Variants in UQCC2 observed in about 807,000 individuals in gnomAD.
UQCC2 encodes the protein breast cancer-associated protein SGA-81M.
In UQCC2, 21 loss-of-function variants were observed where a neutral mutation model predicts 19.9. The observed-to-expected ratio is 1.05, with a 90% CI of 0.75 to 1.52. The LOEUF (loss-of-function observed/expected upper bound fraction) is 1.52. UQCC2 is among the 40% of genes most tolerant of loss of function. The pLI is 0.00. For missense variants in UQCC2, 135 were observed against 157.5 expected (o/e 0.86, Z 0.76); for synonymous variants, 57 against 60.9 (o/e 0.94, Z 0.30).
At chr6:33,706,652 A>G (rs893810111) in intron 1 of UQCC2, among the ~76,000 whole-genome samples, 1 of 152,226 alleles carries the variant, frequency 6.6e-6, no homozygotes, top group East Asian at 1.9e-4. Context: ...TGAGTGACAC[A>G]GGGACCAGAA....
chr6:33,710,519 A>C (rs1466290047), intron 1 of UQCC2, among the ~76,000 whole-genome samples: 1 of 152,184 alleles, frequency 6.6e-6, no homozygotes, highest in Non-Finnish European at 1.5e-5. Flanking sequence ...GCCTCTGGAC[A>C]TGTGCAGTGT....
intron 2 of UQCC2, 81 bp from the exon 3 acceptor site, chr6:33,700,594 G>A: frequency 6.8e-7 from 1 of 1,473,874 alleles, no homozygotes; most frequent in Non-Finnish European, 9.5e-7. Flanking sequence ...ATTTCACCTA[G>A]GCCCTGGGCA....
chr6:33,702,497 G>C (rs866645580), intron 1 of UQCC2, among the ~76,000 whole-genome samples: 1 of 152,242 alleles, frequency 6.6e-6, no homozygotes, highest in South Asian at 2.1e-4. Context: ...CTAGAAAGGA[G>C]ATGGCCCAGA....
intron 3 of UQCC2, 42 bp from the exon 4 acceptor site, chr6:33,697,792 A>T: frequency 6.5e-7 from 1 of 1,548,350 alleles, no homozygotes; most frequent in Non-Finnish European, 8.9e-7. Context: ...ACTGAAGTCT[A>T]AAACTTGATG....
intron 1 of UQCC2, among the ~76,000 whole-genome samples, 192 bp from the exon 2 acceptor site, chr6:33,701,612 T>C (rs1455949856): frequency 6.6e-6 from 1 of 152,120 alleles, no homozygotes; most frequent in Non-Finnish European, 1.5e-5. Context: ...TTTGGAGGCA[T>C]AGCTCTGCCT....
At position 33,701,331 on chromosome 6, in the gene UQCC2, C is replaced by CTG. The variant is rs1765637366; in HGVS notation, c.213+13_213+14dup. ...GTCAGAAAGCTGGGTATATAAAAGA[C>CTG]TGTGGCCCACTCACCTTGTGTTTGT... On this transcript the variant is annotated intron_variant, in intron 2 of 3. Coordinates refer to ENST00000607484, the MANE Select transcript of UQCC2 (RefSeq NM_032340.4). 2 of 1,607,992 alleles carry CTG rather than the reference C, an allele frequency of 1.2e-6. No homozygotes were observed. Among genetic ancestry groups the CTG allele is most frequent in the African/African-American group, 2.7e-5 (2 of 74,594 alleles).
intron 1 of UQCC2, among the ~76,000 whole-genome samples, chr6:33,710,208 C>T (rs367600599): frequency 6.6e-6 from 1 of 152,150 alleles, no homozygotes; most frequent in Non-Finnish European, 1.5e-5. Context: ...CACCATCTGT[C>T]GCTTATAGTA....
chr6:33,697,587 G>T lies in UQCC2; in HGVS notation c.*66C>A. On this transcript the variant is annotated 3_prime_UTR_variant, in exon 4 of 4. Coordinates refer to ENST00000607484, the MANE Select transcript of UQCC2 (RefSeq NM_032340.4). ...GTAAGGTCAAGGGGAAACTGGGGCA[G>T]TTTTATTGACGATGGCAATGTACAA... The T allele has an allele frequency of 7.7e-7, 1 of 1,296,354 alleles. No homozygotes were observed. 80.3% of individuals were successfully genotyped at this position (1,296,354 alleles called of 1,614,324 possible). A position where few individuals can be genotyped will look rare whatever the true frequency, so the allele number is the denominator to read the frequency against.
chr6:33,701,102 A>T (rs1296485133), intron 2 of UQCC2, among the ~76,000 whole-genome samples: 3 of 152,216 alleles, frequency 2.0e-5, no homozygotes, highest in Non-Finnish European at 4.4e-5. Context: ...TGGCATATCA[A>T]ATACATGGCT....
chr6:33,703,213 G>A (rs189904500), intron 1 of UQCC2, among the ~76,000 whole-genome samples: 5 of 152,334 alleles, frequency 3.3e-5, no homozygotes, highest in African/African-American at 9.6e-5. Context: ...AGCTAACGCT[G>A]GAGTGCAATG....
At chr6:33,705,015 C>T (rs1765682980) in intron 1 of UQCC2, among the ~76,000 whole-genome samples, 1 of 151,038 alleles carries the variant, frequency 6.6e-6, no homozygotes, top group Admixed American at 6.6e-5. Context: ...GCAAAGTGAC[C>T]CTCAGGTACT....
rs1164857897 is a variant in UQCC2, at chr6:33,697,387, C to T, written c.*266G>A. 1.4e-5 allele frequency: 5 copies of T among 361,924 alleles called. No homozygotes were observed. The highest frequency in any genetic ancestry group is 7.2e-4 in the Middle Eastern group (1 of 1,388). The allele number at this position is 361,924 out of a possible 1,614,324, so 22.4% of individuals were successfully genotyped here. A position where few individuals can be genotyped will look rare whatever the true frequency, so the allele number is the denominator to read the frequency against. On this transcript the variant is annotated 3_prime_UTR_variant, in exon 4 of 4. Transcript: ENST00000607484. ...TGCAGGAAGCACCTTGTGCCGAGGC[C>T]CCATTACCCTCATCAGGCCCAGAGG...
Position 33,697,848 on chromosome 6 carries a change from C to T in UQCC2, c.284-98G>A, listed in dbSNP as rs112204790. ...GCTTTCCCGACACAAGCATGGCTTG[C>T]TTTTCACACAGTGTGTTCCTGAAAA... On this transcript the variant is annotated intron_variant, in intron 3 of 3. Coordinates refer to ENST00000607484, the MANE Select transcript of UQCC2 (RefSeq NM_032340.4). 1,362 of 938,254 alleles carry T rather than the reference C, an allele frequency of 1.5e-3. 18 individuals are homozygous for T. In the African/African-American group the frequency reaches 0.019, roughly 13 times the overall value. The allele number at this position is 938,254 out of a possible 1,614,324, so 58.1% of individuals were successfully genotyped here.
chr6:33,703,862 TTC>T (rs1346512383), intron 1 of UQCC2, among the ~76,000 whole-genome samples: 1 of 152,198 alleles, frequency 6.6e-6, no homozygotes, highest in Non-Finnish European at 1.5e-5. Flanking sequence ...CATATTCCAA[TTC>T]TGTCAATTGT....
intron 3 of UQCC2, chr6:33,698,626 T>A (rs1157290425): frequency 6.6e-6 from 1 of 152,194 alleles, no homozygotes; most frequent in African/African-American, 2.4e-5. Flanking sequence ...TTCTTGGCCT[T>A]GGCACTACCA....
intron 1 of UQCC2, among the ~76,000 whole-genome samples, chr6:33,710,794 A>G (rs1306199796): frequency 6.6e-6 from 1 of 152,216 alleles, no homozygotes; most frequent in Non-Finnish European, 1.5e-5. Context: ...GGCATATGGT[A>G]GGTGCTCAAT....
rs569694019 is a variant in UQCC2, at chr6:33,699,940, AG to A, written c.283+503del. On this transcript the variant is annotated intron_variant, in intron 3 of 3. Coordinates refer to ENST00000607484, the MANE Select transcript of UQCC2 (RefSeq NM_032340.4). ...GAAGTAAGGAAAGGACGGGCTTGGC[AG>A]GATGTTTCCTTTCTTGATAATCAGA... 2.1e-3 allele frequency among the ~76,000 whole-genome samples: 325 copies of A among 152,352 alleles called. 1 individual carries two copies. The highest frequency in any genetic ancestry group is 7.0e-3 in the African/African-American group (292 of 41,586).
chr6:33,701,275 C>A, intron 2 of UQCC2, 71 bp downstream of exon 2: 3 of 1,474,454 alleles, frequency 2.0e-6, no homozygotes, highest in South Asian at 2.5e-5. Flanking sequence ...ATTACCTAAT[C>A]AGATTTTCAC....
intron 1 of UQCC2, among the ~76,000 whole-genome samples, chr6:33,710,795 G>A (rs1038219842): frequency 2.6e-5 from 4 of 152,174 alleles, no homozygotes; most frequent in African/African-American, 9.7e-5. Flanking sequence ...GCATATGGTA[G>A]GTGCTCAATA....
Sources: allele counts gnomAD v4.1 joint callset (sites outside exome capture counted in the v4.1 genomes callset), GRCh38; gene constraint gnomAD v4.1.1; transcripts MANE v1.5; gene names NCBI Gene and HGNC (gene_info 2026-07-23, HGNC 2026-07-21).